Variants in ZNF385D observed in about 807,000 individuals in gnomAD.
ZNF385D encodes the protein zinc finger protein 659.
Under a neutral mutation model 35.8 loss-of-function variants are expected in ZNF385D, and 15 were observed. The ratio of observed to expected loss-of-function variants is 0.42; its 90% CI spans 0.28 to 0.64. ZNF385D has a LOEUF of 0.64. Among genes scored for constraint, ZNF385D ranks in the 30% least tolerant of loss-of-function variants. The pLI, the probability that ZNF385D is intolerant of heterozygous loss-of-function variation, is 0.23. For synonymous variants in ZNF385D, 212 were observed against 186.8 expected (o/e 1.13, Z -1.10); for missense variants, 474 against 494.6 (o/e 0.96, Z 0.39).
At chr3:22,361,039 A>T (rs1035229002) in intron 2 of ZNF385D, among the ~76,000 whole-genome samples, 2 of 152,092 alleles carry the variant, frequency 1.3e-5, no homozygotes, top group Non-Finnish European at 2.9e-5. Context: ...GAGGAAAAAA[A>T]GTCACAGCCT....
At chr3:22,086,600 A>G (rs1002287993) in intron 3 of ZNF385D, among the ~76,000 whole-genome samples, 3 of 152,222 alleles carry the variant, frequency 2.0e-5, no homozygotes, top group South Asian at 2.1e-4. Flanking sequence ...GGAAGAATCA[A>G]TATCATGAAA....
intron 3 of ZNF385D, among the ~76,000 whole-genome samples, chr3:21,556,014 T>G (rs994999932): frequency 6.6e-6 from 1 of 151,954 alleles, no homozygotes; most frequent in African/African-American, 2.4e-5. Context: ...TGTCTTCTCT[T>G]AAGAAGTGTC....
chr3:21,605,130 G>T (rs555583288), intron 2 of ZNF385D, among the ~76,000 whole-genome samples: 1 of 152,126 alleles, frequency 6.6e-6, no homozygotes, highest in Non-Finnish European at 1.5e-5. Context: ...AGTATTCATC[G>T]GAGTATAAAG....
At chr3:21,935,341 C>T (rs1023830895) in intron 3 of ZNF385D, among the ~76,000 whole-genome samples, 1 of 152,154 alleles carries the variant, frequency 6.6e-6, no homozygotes, top group East Asian at 1.9e-4. Context: ...GCAAAAAACA[C>T]TGTGGTACGT....
At chr3:21,723,793 C>T (rs1248139665) in intron 1 of ZNF385D, among the ~76,000 whole-genome samples, 2 of 152,038 alleles carry the variant, frequency 1.3e-5, no homozygotes, top group Non-Finnish European at 2.9e-5. Context: ...TCAGGGAATA[C>T]AGAGAACACC....
intron 3 of ZNF385D, among the ~76,000 whole-genome samples, chr3:21,531,362 C>G (rs2061918259): frequency 6.6e-6 from 1 of 152,134 alleles, no homozygotes; most frequent in Non-Finnish European, 1.5e-5. Flanking sequence ...TCTTACAAAA[C>G]TAAACATACT....
At chr3:21,734,480 G>C (rs962826856) in intron 1 of ZNF385D, among the ~76,000 whole-genome samples, 1 of 151,712 alleles carries the variant, frequency 6.6e-6, no homozygotes, top group Admixed American at 6.6e-5. Flanking sequence ...ATATTTCAAA[G>C]ACAGAAGAGA....
intron 2 of ZNF385D, among the ~76,000 whole-genome samples, chr3:22,302,338 T>C (rs1022267884): frequency 2.6e-5 from 4 of 151,844 alleles, no homozygotes; most frequent in African/African-American, 9.7e-5. Context: ...AGTTTCTCAT[T>C]GTGATTTTAA....
At chr3:22,018,973 C>G (rs1277467347) in intron 3 of ZNF385D, among the ~76,000 whole-genome samples, 1 of 149,588 alleles carries the variant, frequency 6.7e-6, no homozygotes, top group Non-Finnish European at 1.5e-5. Flanking sequence ...CCCACAAACA[C>G]CTAAAGCATT....
intron 3 of ZNF385D, among the ~76,000 whole-genome samples, chr3:21,917,000 T>C (rs192316): frequency 0.068 from 10,327 of 152,224 alleles, 593 homozygotes; most frequent in African/African-American, 0.15. Context: ...ATTTAGTAGA[T>C]GAAAAATCAC....
intron 3 of ZNF385D, among the ~76,000 whole-genome samples, chr3:22,080,413 T>C (rs894585657): frequency 6.6e-6 from 1 of 152,076 alleles, no homozygotes; most frequent in African/African-American, 2.4e-5. Context: ...TCATGATCAA[T>C]AAATAAATAA....
intron 3 of ZNF385D, among the ~76,000 whole-genome samples, chr3:21,986,022 A>G (rs1234814754): frequency 9.5e-6 from 1 of 105,040 alleles, no homozygotes; most frequent in Non-Finnish European, 1.8e-5. Context: ...TATCCCCTTT[A>G]TCATTTTTTA....
chr3:21,814,723 A>C (rs1053093687), intron 3 of ZNF385D, among the ~76,000 whole-genome samples: 12 of 152,232 alleles, frequency 7.9e-5, no homozygotes, highest in Non-Finnish European at 1.5e-4. Context: ...GACTCCCACA[A>C]AATAATAATG....
intron 1 of ZNF385D, among the ~76,000 whole-genome samples, chr3:21,689,103 C>G (rs563353717): frequency 7.4e-6 from 1 of 134,358 alleles, no homozygotes; most frequent in East Asian, 2.2e-4. Flanking sequence ...GATTTAGAAT[C>G]ATCTGTCCTG....
chr3:21,808,698 G>C (rs1215310579), intron 3 of ZNF385D, among the ~76,000 whole-genome samples: 1 of 152,178 alleles, frequency 6.6e-6, no homozygotes, highest in African/African-American at 2.4e-5. Flanking sequence ...AGTAGGGGAA[G>C]GGTTATGGAC....
At chr3:21,737,154 G>A (rs1475213300) in intron 1 of ZNF385D, among the ~76,000 whole-genome samples, 2 of 152,072 alleles carry the variant, frequency 1.3e-5, no homozygotes, top group South Asian at 2.1e-4. Context: ...TGGCCAGGCT[G>A]GTCTTGAACT....
intron 3 of ZNF385D, among the ~76,000 whole-genome samples, chr3:22,086,797 G>C (rs1175606037): frequency 6.6e-6 from 1 of 152,092 alleles, no homozygotes; most frequent in East Asian, 1.9e-4. Flanking sequence ...CATGGATGAA[G>C]CTGGAAACCA....
intron 2 of ZNF385D, among the ~76,000 whole-genome samples, chr3:21,662,170 T>C (rs2066257687): frequency 6.6e-6 from 1 of 152,118 alleles, no homozygotes; most frequent in Non-Finnish European, 1.5e-5. Flanking sequence ...AGCTGTATTG[T>C]GGATCTAGGT....
chr3:22,177,063 T>C (rs1694880461), intron 2 of ZNF385D, among the ~76,000 whole-genome samples: 1 of 152,174 alleles, frequency 6.6e-6, no homozygotes, highest in Non-Finnish European at 1.5e-5. Flanking sequence ...TTTAGGGATA[T>C]CTTCTTGAAT....
Sources: gnomAD v4.1 joint callset for allele counts (sites outside exome capture counted in the v4.1 genomes callset) on GRCh38, gnomAD v4.1.1 for gene constraint, MANE v1.5 for transcripts, NCBI Gene and HGNC (gene_info 2026-07-23, HGNC 2026-07-21) for gene names.